The following RPN2 variants were observed in gnomAD, a reference collection of about 807,000 sequenced individuals.
RPN2 encodes dolichyl-diphosphooligosaccharide--protein glycosyltransferase subunit 2.
Under a neutral mutation model 71.4 loss-of-function variants are expected in RPN2, and 29 were observed. That is an observed-to-expected ratio of 0.41 (90% CI 0.30 to 0.55). The LOEUF (loss-of-function observed/expected upper bound fraction) is 0.55. Ranked by LOEUF, RPN2 falls within the 20% of genes least tolerant of loss-of-function variation. The pLI is 0.35. For missense variants in RPN2, 726 were observed against 774.1 expected, an observed-to-expected ratio of 0.94 and a Z score of 0.74; for synonymous variants, 308 against 305.0, an observed-to-expected ratio of 1.01 and a Z score of -0.10.
chr20:37,191,867 A>C (rs977177698), intron 2 of RPN2, among the ~76,000 whole-genome samples: 7 of 152,122 alleles, frequency 4.6e-5, no homozygotes, highest in Admixed American at 1.3e-4. Flanking sequence ...GGATCACTTG[A>C]GGTCAGGAGT....
intron 9 of RPN2, among the ~76,000 whole-genome samples, chr20:37,217,848 C>T (rs1325329714): frequency 6.6e-6 from 1 of 151,994 alleles, no homozygotes; most frequent in Admixed American, 6.6e-5. Context: ...ATTCTCCTGC[C>T]TCAGCCTTCT....
chr20:37,191,528 G>A (rs901241657), intron 2 of RPN2, among the ~76,000 whole-genome samples: 1 of 151,928 alleles, frequency 6.6e-6, no homozygotes, highest in Non-Finnish European at 1.5e-5. Context: ...GTACTTTGGG[G>A]ATGCCGAGGC....
At chr20:37,208,481 C>A (rs2067573831) in intron 7 of RPN2, among the ~76,000 whole-genome samples, 1 of 152,126 alleles carries the variant, frequency 6.6e-6, no homozygotes, top group African/African-American at 2.4e-5. Context: ...GCGATCATGG[C>A]CCACTGCAGC....
chr20:37,191,373 G>GCTT lies in RPN2; in HGVS notation c.207+7000_207+7001insCTT, dbSNP rs1277344429. Reference sequence around the variant, plus strand: ...TGCCTGTAATCCCAGCTACTCGGGAGGCCGAGGCAGGAGAATTGCTTGAAC... The same window carrying GCTT: ...TGCCTGTAATCCCAGCTACTCGGGAGCTTGCCGAGGCAGGAGAATTGCTTGAAC... On this transcript the variant is annotated intron_variant, in intron 2 of 16. Transcript: ENST00000237530. 3.4e-5 allele frequency among the ~76,000 whole-genome samples: 5 copies of GCTT among 149,192 alleles called. No homozygotes were observed. In the East Asian group the frequency reaches 1.0e-3, roughly 30 times the overall value.
chr20:37,199,662 A>G (rs2067336048), intron 4 of RPN2, among the ~76,000 whole-genome samples: 1 of 152,156 alleles, frequency 6.6e-6, no homozygotes, highest in African/African-American at 2.4e-5. Flanking sequence ...GAAAGACAGC[A>G]TCTGGTGGGT....
At position 37,225,809 on chromosome 20, in the gene RPN2, A is replaced by G; in HGVS notation, c.1299+7A>G. Reference sequence around the variant, plus strand: ...TGAACTCACTCCTCACCAGGTCAGGAAGACACCTAGACAGTTCTCTTAACC... The same window carrying G: ...TGAACTCACTCCTCACCAGGTCAGGGAGACACCTAGACAGTTCTCTTAACC... On this transcript the variant is annotated splice_region_variant and intron_variant, in intron 11 of 16. Transcript: ENST00000237530. 6.3e-7 allele frequency: 1 copy of G among 1,575,048 alleles called. No individual in the cohort carries two copies. The highest frequency in any genetic ancestry group is 1.1e-5 in the South Asian group (1 of 90,260).
intron 2 of RPN2, among the ~76,000 whole-genome samples, chr20:37,188,235 C>T (rs1600738648): frequency 6.6e-6 from 1 of 152,164 alleles, no homozygotes; most frequent in Admixed American, 6.5e-5. Flanking sequence ...GTGGCGCGAT[C>T]TTGGCCCACT....
At chr20:37,222,205 C>T (rs1417379089) in intron 9 of RPN2, among the ~76,000 whole-genome samples, 1 of 152,190 alleles carries the variant, frequency 6.6e-6, no homozygotes, top group African/African-American at 2.4e-5. Flanking sequence ...GCTCCTAGCT[C>T]CCTTCTTGGG....
At chr20:37,180,111 C>A (rs1302925433) in intron 1 of RPN2, among the ~76,000 whole-genome samples, 1 of 152,182 alleles carries the variant, frequency 6.6e-6, no homozygotes, top group Non-Finnish European at 1.5e-5. Context: ...GTAGCCTCAT[C>A]GTAACTTTGG....
intron 16 of RPN2, chr20:37,238,405 C>A: frequency 6.2e-7 from 1 of 1,608,340 alleles, no homozygotes; most frequent in Non-Finnish European, 8.5e-7. Flanking sequence ...TTGGCAGGAT[C>A]GCTGCAGAGC....
chr20:37,220,773 A>G (rs1446218128), intron 9 of RPN2, among the ~76,000 whole-genome samples: 1 of 152,148 alleles, frequency 6.6e-6, no homozygotes, highest in Non-Finnish European at 1.5e-5. Context: ...TTATTTCTAA[A>G]TTTGCTTTAA....
chr20:37,238,831 G>C (rs556737222), intron 16 of RPN2: 2 of 529,052 alleles, frequency 3.8e-6, no homozygotes. Flanking sequence ...CGGTCCCATG[G>C]CAAATCCTGG....
At position 37,211,313 on chromosome 20, in the gene RPN2, G is replaced by A. The variant is rs141587724; in HGVS notation, c.986+1148G>A. On this transcript the variant is annotated intron_variant, in intron 8 of 16. Coordinates refer to ENST00000237530, the MANE Select transcript of RPN2 (RefSeq NM_002951.5). ...GCCTCCCAAAGTGCTGGGATTACAG[G>A]CGTGAGCCATTGTGCCCGGCCTTTT... Among the ~76,000 whole-genome samples, 595 of 151,182 alleles carry A rather than the reference G, an allele frequency of 3.9e-3. 1 individual carries two copies. The highest frequency in any genetic ancestry group is 6.7e-3 in the Non-Finnish European group (455 of 67,684).
At chr20:37,237,182 C>A (rs1012150206) in intron 16 of RPN2, among the ~76,000 whole-genome samples, 4 of 152,068 alleles carry the variant, frequency 2.6e-5, no homozygotes, top group African/African-American at 9.7e-5. Flanking sequence ...TGCAGAGGCT[C>A]CCAGCAAGGA....
At chr20:37,224,814 AG>A in intron 10 of RPN2, among the ~76,000 whole-genome samples, 2 of 152,286 alleles carry the variant, frequency 1.3e-5, no homozygotes, top group South Asian at 4.1e-4. Flanking sequence ...TGTTAGCCAG[AG>A]GCTGGAAGCC....
At chr20:37,180,214 CAGTGGCTCACCGTTTCATTATTTGAGA>C (rs1477694405) in intron 1 of RPN2, among the ~76,000 whole-genome samples, 2 of 152,174 alleles carry the variant, frequency 1.3e-5, no homozygotes, top group African/African-American at 2.4e-5. Flanking sequence ...ATGAATGAGT[CAGTGGCTCACCGTTTCATTATTTGAGA>C]AGTTCAGGAT....
chr20:37,184,059 T>C, intron 1 of RPN2, 121 bp from the exon 2 acceptor site: 1 of 1,205,846 alleles, frequency 8.3e-7, no homozygotes, highest in South Asian at 1.2e-5. Flanking sequence ...GTTAAACCCC[T>C]GGATTCCCTC....
chr20:37,231,515 G>T (rs1340436693), intron 13 of RPN2, among the ~76,000 whole-genome samples: 2 of 152,106 alleles, frequency 1.3e-5, no homozygotes, highest in Non-Finnish European at 2.9e-5. Flanking sequence ...CTTGAGGTCA[G>T]GAGTTGGAGA....
chr20:37,205,811 T>G (rs551265579), intron 6 of RPN2, among the ~76,000 whole-genome samples: 3 of 152,208 alleles, frequency 2.0e-5, no homozygotes, highest in Non-Finnish European at 4.4e-5. Context: ...GTGTGGGGTC[T>G]TAGGGTACAG....
Sources: gnomAD v4.1 joint callset for allele counts (sites outside exome capture counted in the v4.1 genomes callset) on GRCh38, gnomAD v4.1.1 for gene constraint, MANE v1.5 for transcripts, NCBI Gene and HGNC (gene_info 2026-07-23, HGNC 2026-07-21) for gene names.